The following SEMA3A variants were observed in gnomAD, a reference collection of about 807,000 sequenced individuals.
The protein encoded by SEMA3A is semaphorin-3A.
Under a neutral mutation model 97.9 loss-of-function variants are expected in SEMA3A, and 29 were observed. The observed-to-expected ratio is 0.30, with a 90% CI of 0.22 to 0.40. The LOEUF is 0.40. SEMA3A is among the 10% of genes least tolerant of loss of function. SEMA3A has a pLI of 1.00. For synonymous variants in SEMA3A, 321 were observed against 323.7 expected (o/e 0.99, Z 0.09); for missense variants, 763 against 951.3 (o/e 0.80, Z 2.60).
At chr7:84,192,203 G>C (rs2116271510) in intron 1 of SEMA3A, among the ~76,000 whole-genome samples, 1 of 152,010 alleles carries the variant, frequency 6.6e-6, no homozygotes, top group South Asian at 2.1e-4. Context: ...TCTAATTAAG[G>C]AGAAACAAGA....
At chr7:84,405,875 A>G (rs1368596914) in intron 1 of SEMA3A, among the ~76,000 whole-genome samples, 1 of 152,192 alleles carries the variant, frequency 6.6e-6, no homozygotes, top group African/African-American at 2.4e-5. Flanking sequence ...AACATACCAG[A>G]ATCTCTGGGA....
intron 3 of SEMA3A, among the ~76,000 whole-genome samples, chr7:84,292,784 G>A (rs185698072): frequency 6.6e-6 from 1 of 151,982 alleles, no homozygotes; most frequent in Non-Finnish European, 1.5e-5. Context: ...ATTTCTATTA[G>A]AAATTATATT....
chr7:84,343,479 G>A (rs1042282824), intron 2 of SEMA3A, among the ~76,000 whole-genome samples: 11 of 152,174 alleles, frequency 7.2e-5, no homozygotes, highest in Non-Finnish European at 1.6e-4. Flanking sequence ...TAGGCAGCTA[G>A]AAAACTTAAA....
intron 3 of SEMA3A, among the ~76,000 whole-genome samples, chr7:84,269,691 T>C (rs530232379): frequency 6.6e-5 from 10 of 152,256 alleles, no homozygotes; most frequent in Admixed American, 6.5e-4. Flanking sequence ...TTATACTGTA[T>C]TGTTATTATT....
chr7:84,136,960 A>AAAAGGAAGGAAG, intron 1 of SEMA3A, among the ~76,000 whole-genome samples: 1 of 141,212 alleles, frequency 7.1e-6, no homozygotes, highest in African/African-American at 2.7e-5. Context: ...GAGGGAGGGA[A>AAAAGGAAGGAAG]GAAGGAAGGA....
At chr7:84,245,888 G>C (rs984646267) in intron 3 of SEMA3A, among the ~76,000 whole-genome samples, 2 of 152,146 alleles carry the variant, frequency 1.3e-5, no homozygotes, top group African/African-American at 4.8e-5. Context: ...CACTGTGCTG[G>C]GAGATCTGCT....
intron 3 of SEMA3A, among the ~76,000 whole-genome samples, chr7:84,265,090 T>C (rs1799957717): frequency 6.6e-6 from 1 of 152,106 alleles, no homozygotes; most frequent in Non-Finnish European, 1.5e-5. Flanking sequence ...TTGTTTAGAA[T>C]TTTCAAAACG....
chr7:84,415,811 A>G (rs933273708), intron 1 of SEMA3A, among the ~76,000 whole-genome samples: 3 of 151,508 alleles, frequency 2.0e-5, no homozygotes, highest in African/African-American at 7.3e-5. Context: ...CCCTTAGGAC[A>G]TAGCTTTGCA....
intron 15 of SEMA3A, among the ~76,000 whole-genome samples, chr7:83,975,913 C>A (rs1048461913): frequency 4.6e-5 from 7 of 152,022 alleles, no homozygotes; most frequent in Non-Finnish European, 8.8e-5. Context: ...GGAGAGTGTT[C>A]AATAAATGCA....
At chr7:84,052,187 C>G (rs1583877885) in intron 5 of SEMA3A, among the ~76,000 whole-genome samples, 1 of 151,874 alleles carries the variant, frequency 6.6e-6, no homozygotes, top group Non-Finnish European at 1.5e-5. Context: ...TTGGTTGTGT[C>G]TCTGCCTGGC....
chr7:84,171,176 T>G lies in SEMA3A; in HGVS notation c.112+23299A>C, dbSNP rs919559149. On this transcript the variant is annotated intron_variant, in intron 1 of 16. Transcript: ENST00000265362. ...ATTAGAGTACAAAATTAACACATAC[T>G]GCTTATTTCTGAAGCAACATAATAT... Among the ~76,000 whole-genome samples, 12 of 152,252 alleles carry G rather than the reference T, an allele frequency of 7.9e-5. No individual in the cohort carries two copies. The South Asian group carries it at 1.9e-3, about 24-fold the overall frequency.
intron 7 of SEMA3A, among the ~76,000 whole-genome samples, chr7:84,012,900 A>ATT (rs957010223): frequency 6.6e-6 from 1 of 151,982 alleles, no homozygotes; most frequent in African/African-American, 2.4e-5. Context: ...CACCTTAGAG[A>ATT]TTTTTTTTAA....
intron 1 of SEMA3A, among the ~76,000 whole-genome samples, chr7:84,388,915 G>T (rs1803470158): frequency 6.6e-6 from 1 of 151,960 alleles, no homozygotes; most frequent in Non-Finnish European, 1.5e-5. Flanking sequence ...ACAAAAGTAT[G>T]ACATTTAATT....
chr7:84,052,008 T>G (rs1422721429), intron 5 of SEMA3A, among the ~76,000 whole-genome samples: 1 of 151,774 alleles, frequency 6.6e-6, no homozygotes, highest in Non-Finnish European at 1.5e-5. Context: ...TATGCTGGAT[T>G]ACATTTATTG....
intron 3 of SEMA3A, among the ~76,000 whole-genome samples, chr7:84,265,107 G>A (rs1170494228): frequency 6.6e-6 from 1 of 152,066 alleles, no homozygotes; most frequent in Non-Finnish European, 1.5e-5. Flanking sequence ...AACGTTATGT[G>A]GAACTTAGAA....
intron 1 of SEMA3A, among the ~76,000 whole-genome samples, chr7:84,387,062 G>A (rs888605120): frequency 6.6e-6 from 1 of 151,928 alleles, no homozygotes; most frequent in Non-Finnish European, 1.5e-5. Flanking sequence ...GTGTGATTTG[G>A]GGCCCAGAGA....
intron 1 of SEMA3A, among the ~76,000 whole-genome samples, chr7:84,450,021 T>C (rs1805516969): frequency 6.6e-6 from 1 of 152,212 alleles, no homozygotes; most frequent in African/African-American, 2.4e-5. Context: ...TTGTCTATTG[T>C]GAATAATGTT....
At chr7:84,213,571 C>T (rs1314249138) in intron 3 of SEMA3A, among the ~76,000 whole-genome samples, 1 of 152,178 alleles carries the variant, frequency 6.6e-6, no homozygotes, top group African/African-American at 2.4e-5. Context: ...TAGGCATAAG[C>T]CACTGTACCT....
At chr7:84,424,216 C>A (rs1227647727) in intron 1 of SEMA3A, among the ~76,000 whole-genome samples, 2 of 150,466 alleles carry the variant, frequency 1.3e-5, no homozygotes, top group African/African-American at 4.9e-5. Context: ...GCACAATTCA[C>A]AATTGCAAAG....
Sources: allele counts gnomAD v4.1 joint callset (sites outside exome capture counted in the v4.1 genomes callset), GRCh38; gene constraint gnomAD v4.1.1; transcripts MANE v1.5; gene names NCBI Gene and HGNC (gene_info 2026-07-23, HGNC 2026-07-21).